Variants in SUSD1 observed in about 807,000 individuals in gnomAD.
SUSD1 encodes sushi domain containing 1, also known as sushi domain-containing protein 1.
SUSD1 carries 65 observed loss-of-function variants against 86.9 expected under a neutral mutation model. The observed-to-expected ratio is 0.75, with a 90% CI of 0.61 to 0.92. SUSD1 has a LOEUF of 0.92. SUSD1 is among the 40% of genes least tolerant of loss of function. The probability of loss-of-function intolerance (pLI) is 0.00; values close to 1 mark genes in which losing one functional copy is unlikely to be tolerated. For synonymous variants in SUSD1, 346 were observed against 350.0 expected, an observed-to-expected ratio of 0.99 and a Z score of 0.13; for missense variants, 850 against 929.7, an observed-to-expected ratio of 0.91 and a Z score of 1.11.
intron 3 of SUSD1, among the ~76,000 whole-genome samples, chr9:112,145,061 GC>G (rs1832750785): frequency 6.6e-6 from 1 of 151,990 alleles, no homozygotes; most frequent in African/African-American, 2.4e-5. Flanking sequence ...GGGCAACACA[GC>G]AAGACCCTCA....
chr9:112,055,242 A>G (rs192620791), intron 14 of SUSD1, among the ~76,000 whole-genome samples: 1 of 152,262 alleles, frequency 6.6e-6, no homozygotes, highest in Admixed American at 6.5e-5. Flanking sequence ...CCTGGGAAAC[A>G]TGGCAAAATC....
At chr9:112,119,798 G>C (rs1323145051) in intron 6 of SUSD1, among the ~76,000 whole-genome samples, 1 of 152,108 alleles carries the variant, frequency 6.6e-6, no homozygotes, top group Non-Finnish European at 1.5e-5. Flanking sequence ...GGAAGGAGGG[G>C]GCAGGAAAAA....
chr9:112,135,575 A>T (rs1441069393), intron 5 of SUSD1, among the ~76,000 whole-genome samples: 1 of 152,248 alleles, frequency 6.6e-6, no homozygotes, highest in African/African-American at 2.4e-5. Context: ...CTTTTTATCA[A>T]AAGATAACAT....
At chr9:112,060,062 G>A (rs1045475253) in intron 13 of SUSD1, among the ~76,000 whole-genome samples, 1 of 150,798 alleles carries the variant, frequency 6.6e-6, no homozygotes, top group African/African-American at 2.4e-5. Flanking sequence ...AAACTCATTA[G>A]GCCATGTAAT....
At chr9:112,064,614 G>A (rs28551749) in intron 12 of SUSD1, among the ~76,000 whole-genome samples, 2,699 of 151,520 alleles carry the variant, frequency 0.018, 144 homozygotes, top group South Asian at 0.13. Flanking sequence ...GGTGGCTCAC[G>A]CCTGTAATCC....
At chr9:112,055,102 T>C (rs1274476912) in intron 14 of SUSD1, among the ~76,000 whole-genome samples, 1 of 152,198 alleles carries the variant, frequency 6.6e-6, no homozygotes, top group Non-Finnish European at 1.5e-5. Flanking sequence ...TCACTTGTCA[T>C]TAGGGAAATG....
At chr9:112,149,435 C>G (rs961362197) in intron 2 of SUSD1, 36 bp from the exon 3 acceptor site, 3 of 1,605,310 alleles carry the variant, frequency 1.9e-6, no homozygotes, top group Non-Finnish European at 2.6e-6. Flanking sequence ...GAAGAGCTAT[C>G]AATCCACACC....
chr9:112,060,007 A>G (rs1214255271), intron 13 of SUSD1, among the ~76,000 whole-genome samples: 6 of 151,334 alleles, frequency 4.0e-5, no homozygotes, highest in Admixed American at 4.0e-4. Context: ...TTCGGAAAAG[A>G]GGAAAAGCAT....
intron 5 of SUSD1, among the ~76,000 whole-genome samples, chr9:112,132,194 A>G (rs1437365020): frequency 6.6e-6 from 1 of 152,214 alleles, no homozygotes; most frequent in Non-Finnish European, 1.5e-5. Flanking sequence ...TGATGACAGA[A>G]AGAATCTAGT....
intron 6 of SUSD1, among the ~76,000 whole-genome samples, chr9:112,119,731 A>G (rs1831475625): frequency 6.6e-6 from 1 of 152,222 alleles, no homozygotes; most frequent in African/African-American, 2.4e-5. Flanking sequence ...TCCAGACACG[A>G]AAGTGATTGC....
intron 9 of SUSD1, among the ~76,000 whole-genome samples, chr9:112,099,015 T>TTCTC (rs58040511): frequency 0.039 from 5,762 of 145,874 alleles, 166 homozygotes; most frequent in Admixed American, 0.086. Context: ...GAATACTTCG[T>TTCTC]TCTCTCTCTC....
chr9:112,098,508 C>T lies in SUSD1; in HGVS notation c.1436G>A (p.Arg479Gln), dbSNP rs746065097. 13 of 1,613,954 alleles carry T rather than the reference C, an allele frequency of 8.1e-6. No individual in the cohort carries two copies. Among genetic ancestry groups the T allele is most frequent in the Middle Eastern group, 1.6e-4 (1 of 6,084 alleles). ...VNVTLLRSPK[R>Q]HSVQITIATP... ...TGCTATTGTTATTTGCACTGAGTGC[C>T]GCTTAGGAGATCTCAGCAGGGTCAC... Residue 479 changes from arginine (R) to glutamine (Q), a missense_variant, in exon 10 of 17, where the codon CGG becomes CAG. By Grantham distance (43) the Arg-to-Gln change is conservative. Transcript: ENST00000374270.
At chr9:112,069,770 A>T (rs2762495) in intron 12 of SUSD1, among the ~76,000 whole-genome samples, 1 of 146,614 alleles carries the variant, frequency 6.8e-6, no homozygotes, top group Non-Finnish European at 1.5e-5. Context: ...TTAAAACCAC[A>T]CAGGAGAAGC....
intron 15 of SUSD1, chr9:112,052,044 G>C: frequency 1.2e-6 from 1 of 845,498 alleles, no homozygotes; most frequent in South Asian, 2.1e-5. Context: ...GGTAAGCTGC[G>C]GGAGCTTGCC....
At position 112,175,161 on chromosome 9, in the gene SUSD1, G is replaced by A. The variant is rs1554780071; in HGVS notation, c.75C>T (p.Arg25=). The A allele has an allele frequency of 1.8e-6, 2 of 1,083,952 alleles. No homozygotes were observed. Among genetic ancestry groups the A allele is most frequent in the Non-Finnish European group, 2.2e-6 (2 of 896,318 alleles). The allele number at this position is 1,083,952 out of a possible 1,614,324, so 67.1% of individuals were successfully genotyped here. A position where few individuals can be genotyped will look rare whatever the true frequency, so the allele number is the denominator to read the frequency against. ...LPLLLLLGLA[R]GAAGAPGPDG... is the part of the protein sequence containing the mutation. ...CGGGGCCCGGCGCTCCCGCGGCGCC[G>A]CGGGCCAGGCCGAGCAGCAGCAACA... The change falls in exon 1 of 17, where the codon CGC becomes CGT. Residue 25 remains arginine (R), a synonymous_variant. Transcript: ENST00000374270. The surrounding 1 kb of genome is among the most constrained non-coding windows in gnomAD (Gnocchi z 4.7).
intron 16 of SUSD1, 138 bp from the exon 17 acceptor site, chr9:112,041,630 C>G: frequency 5.6e-6 from 4 of 717,166 alleles, no homozygotes; most frequent in East Asian, 2.6e-5. Flanking sequence ...AGCCACCCCT[C>G]TGTGTGTGGC....
intron 14 of SUSD1, among the ~76,000 whole-genome samples, chr9:112,055,231 T>A (rs558070743): frequency 1.8e-4 from 27 of 152,110 alleles, no homozygotes; most frequent in African/African-American, 6.5e-4. Context: ...TTCAAGACCA[T>A]CCTGGGAAAC....
intron 12 of SUSD1, among the ~76,000 whole-genome samples, chr9:112,067,558 G>A (rs1829043427): frequency 6.6e-6 from 1 of 152,198 alleles, no homozygotes; most frequent in East Asian, 1.9e-4. Context: ...AAGTGAACAC[G>A]GTAGGGAAGT....
chr9:112,129,464 A>C (rs10817268), intron 5 of SUSD1, among the ~76,000 whole-genome samples: 46,044 of 151,948 alleles, frequency 0.3, 8,905 homozygotes, highest in African/African-American at 0.55. Context: ...ACACGTGCAC[A>C]ACCATATATG....
Sources: allele counts gnomAD v4.1 joint callset (sites outside exome capture counted in the v4.1 genomes callset), GRCh38; gene constraint gnomAD v4.1.1; non-coding constraint Gnocchi (gnomAD v3.1); transcripts MANE v1.5; gene names NCBI Gene and HGNC (gene_info 2026-07-23, HGNC 2026-07-21).